DLGAP2: variants seen among roughly 807,000 people sequenced by gnomAD.
DLGAP2 encodes the protein DLG associated protein 2, also known as disks large-associated protein 2.
DLGAP2 carries 26 observed loss-of-function variants against 100.3 expected under a neutral mutation model. That is an observed-to-expected ratio of 0.26 (90% CI 0.19 to 0.36). The LOEUF (loss-of-function observed/expected upper bound fraction) is 0.36. DLGAP2 is among the 10% of genes least tolerant of loss of function. The probability of loss-of-function intolerance (pLI) is 1.00; values close to 1 mark genes in which losing one functional copy is unlikely to be tolerated. For synonymous variants in DLGAP2, 886 were observed against 630.1 expected (o/e 1.41, Z -6.08); for missense variants, 1,858 against 1,453.2 (o/e 1.28, Z -4.53).
At chr8:910,757 C>T (rs552505341) in intron 2 of DLGAP2, among the ~76,000 whole-genome samples, 1 of 152,244 alleles carries the variant, frequency 6.6e-6, no homozygotes, top group East Asian at 1.9e-4. Context: ...TTTGCAGCTG[C>T]CTCTGGCTTG....
chr8:883,515 C>G (rs542423452), intron 1 of DLGAP2, among the ~76,000 whole-genome samples: 1 of 150,808 alleles, frequency 6.6e-6, no homozygotes, highest in African/African-American at 2.4e-5. Context: ...TTAATTTCTT[C>G]TTAAAAAAAA....
chr8:1,499,640 G>T (rs1799649814), intron 3 of DLGAP2, among the ~76,000 whole-genome samples: 1 of 152,198 alleles, frequency 6.6e-6, no homozygotes, highest in Non-Finnish European at 1.5e-5. Context: ...TTGAAGAAAT[G>T]GGGTTATGTT....
chr8:1,062,219 A>G (rs1474603740), intron 2 of DLGAP2, among the ~76,000 whole-genome samples: 1 of 152,044 alleles, frequency 6.6e-6, no homozygotes, highest in Non-Finnish European at 1.5e-5. Context: ...TCGACTCCAG[A>G]TCCATGTTTT....
chr8:1,500,039 A>T (rs1304361139), intron 3 of DLGAP2, among the ~76,000 whole-genome samples: 1 of 152,238 alleles, frequency 6.6e-6, no homozygotes, highest in Non-Finnish European at 1.5e-5. Context: ...TGAATATTGG[A>T]AACCCACATA....
chr8:1,512,067 G>T (rs562569096), intron 4 of DLGAP2, among the ~76,000 whole-genome samples: 2 of 152,218 alleles, frequency 1.3e-5, no homozygotes, highest in Admixed American at 6.5e-5. Context: ...CCTCAGCCCT[G>T]TGACGCATCA....
chr8:1,232,537 G>T (rs141625492), intron 2 of DLGAP2, among the ~76,000 whole-genome samples: 16 of 152,350 alleles, frequency 1.1e-4, no homozygotes, highest in African/African-American at 3.4e-4. Flanking sequence ...GCTGGGCTGA[G>T]GCTCAATGTG....
chr8:1,694,651 T>C (rs1799334679), intron 13 of DLGAP2, among the ~76,000 whole-genome samples: 1 of 152,046 alleles, frequency 6.6e-6, no homozygotes, highest in Non-Finnish European at 1.5e-5. Flanking sequence ...TTTAACTCCA[T>C]CCAACCCCGG....
chr8:1,471,543 C>T (rs531894236), intron 3 of DLGAP2, among the ~76,000 whole-genome samples: 63 of 148,522 alleles, frequency 4.2e-4, no homozygotes, highest in Admixed American at 2.5e-3. Context: ...TCCCAGCCTC[C>T]TCCTAACCTC....
chr8:1,508,924 A>G (rs190891368), intron 4 of DLGAP2, among the ~76,000 whole-genome samples: 154 of 152,232 alleles, frequency 1.0e-3, no homozygotes, highest in African/African-American at 3.6e-3. Flanking sequence ...TCTGTTCTGC[A>G]GTTCTTTAGA....
At position 1,338,823 on chromosome 8, in the gene DLGAP2, A is replaced by AGTGAGGCGTCAGGACCTGGC. The variant is rs1563092307; in HGVS notation, c.106+79940_106+79941insGTGAGGCGTCAGGACCTGGC. ...GACCTGGGAGAGAATGCAGTGACCT[A>AGTGAGGCGTCAGGACCTGGC]AGGGAAGTGTCAGGACCTGGCAGGG... On this transcript the variant is annotated intron_variant, in intron 3 of 14. Transcript: ENST00000637795. Among the ~76,000 whole-genome samples, 8 of 61,816 alleles carry AGTGAGGCGTCAGGACCTGGC rather than the reference A, an allele frequency of 1.3e-4. 1 individual carries two copies. Among genetic ancestry groups the AGTGAGGCGTCAGGACCTGGC allele is most frequent in the Non-Finnish European group, 1.6e-4 (5 of 30,820 alleles). 40.6% of individuals were successfully genotyped at this position (61,816 alleles called of 152,430 possible).
intron 2 of DLGAP2, among the ~76,000 whole-genome samples, chr8:1,135,646 G>A (rs562407983): frequency 4.0e-5 from 6 of 151,604 alleles, no homozygotes; most frequent in South Asian, 4.2e-4. Context: ...ACTGCCTTGC[G>A]GCATGTCAGA....
At chr8:1,443,837 G>T (rs1797908308) in intron 3 of DLGAP2, among the ~76,000 whole-genome samples, 1 of 152,134 alleles carries the variant, frequency 6.6e-6, no homozygotes, top group African/African-American at 2.4e-5. Context: ...TTTGGGCAGG[G>T]ACACAGCCAA....
intron 1 of DLGAP2, among the ~76,000 whole-genome samples, chr8:798,090 T>C (rs1796070949): frequency 6.6e-6 from 1 of 152,220 alleles, no homozygotes; most frequent in African/African-American, 2.4e-5. Flanking sequence ...CCCTGTTGCA[T>C]CTTCACCAGG....
chr8:1,461,226 G>A (rs1384976006), intron 3 of DLGAP2, among the ~76,000 whole-genome samples: 1 of 119,582 alleles, frequency 8.4e-6, no homozygotes, highest in Non-Finnish European at 1.8e-5. Context: ...CAGGAGGAGG[G>A]AGAAGGGTGG....
chr8:881,682 CTTT>C (rs561123444), intron 1 of DLGAP2, among the ~76,000 whole-genome samples: 1 of 51,820 alleles, frequency 1.9e-5, no homozygotes. Flanking sequence ...CACACACACA[CTTT>C]TTTTTTTTTT....
intron 3 of DLGAP2, among the ~76,000 whole-genome samples, chr8:1,427,266 C>A (rs1410804147): frequency 6.6e-6 from 1 of 152,010 alleles, no homozygotes; most frequent in African/African-American, 2.4e-5. Flanking sequence ...CTCAAGCAGA[C>A]AAATTAGTGA....
chr8:913,037 C>G (rs902610581), intron 2 of DLGAP2, among the ~76,000 whole-genome samples: 1 of 152,220 alleles, frequency 6.6e-6, no homozygotes, highest in Non-Finnish European at 1.5e-5. Context: ...TGAAATGTAA[C>G]CTTTGTAACA....
At chr8:1,496,064 ATGTAAAAC>A (rs1799537285) in intron 3 of DLGAP2, among the ~76,000 whole-genome samples, 4 of 152,148 alleles carry the variant, frequency 2.6e-5, no homozygotes, top group South Asian at 2.1e-4. Flanking sequence ...TACATAGAGA[ATGTAAAAC>A]GCCCACTGGC....
chr8:1,666,410 C>G (rs753667393), intron 8 of DLGAP2, among the ~76,000 whole-genome samples: 1 of 152,214 alleles, frequency 6.6e-6, no homozygotes, highest in Non-Finnish European at 1.5e-5. Flanking sequence ...TGGTGGCTCA[C>G]ACCTGTAATC....
Sources: gnomAD v4.1 joint callset for allele counts (sites outside exome capture counted in the v4.1 genomes callset) on GRCh38, gnomAD v4.1.1 for gene constraint, MANE v1.5 for transcripts, NCBI Gene and HGNC (gene_info 2026-07-23, HGNC 2026-07-21) for gene names.